Variants in GPHN observed in about 807,000 individuals in gnomAD.
GPHN encodes gephyrin.
Under a neutral mutation model 95.5 loss-of-function variants are expected in GPHN, and 17 were observed. The observed-to-expected ratio is 0.18, with a 90% CI of 0.12 to 0.27. The LOEUF (loss-of-function observed/expected upper bound fraction) is 0.27, where lower values mean the gene tolerates loss of function less well. GPHN is among the 10% of genes least tolerant of loss of function. GPHN has a pLI of 1.00. For missense variants in GPHN, 660 were observed against 978.1 expected (o/e 0.67, Z 4.34); for synonymous variants, 320 against 322.5 (o/e 0.99, Z 0.08).
At chr14:67,141,894 G>A (rs116678130) in intron 17 of GPHN, among the ~76,000 whole-genome samples, 1 of 152,308 alleles carries the variant, frequency 6.6e-6, no homozygotes, top group African/African-American at 2.4e-5. Flanking sequence ...AGGTAAGGGG[G>A]CATGAATAAA....
At position 67,096,489 on chromosome 14, in the gene GPHN, A is replaced by G. The variant is rs1036513431; in HGVS notation, c.1238-4367A>G. Among the ~76,000 whole-genome samples the G allele has an allele frequency of 5.9e-5, 9 of 152,002 alleles. No individual in the cohort carries two copies. The East Asian group carries it at 1.7e-3, about 29-fold the overall frequency. ...AAAAGAGAAATACTTCCCACCAAAA[A>G]CTTTTTGAGAATGCCAACTTCATTT... On this transcript the variant is annotated intron_variant, in intron 12 of 22. Coordinates refer to ENST00000478722, the MANE Select transcript of GPHN (RefSeq NM_020806.5).
At chr14:67,646,414 A>G in the GPHN span, 1 of 506,592 alleles carries the variant, frequency 2.0e-6, no homozygotes, top group South Asian at 3.0e-5. Context: ...AGACAACCTT[A>G]GAGATTTTAT....
At chr14:66,807,044 G>A (rs913399529) in intron 3 of GPHN, among the ~76,000 whole-genome samples, 13 of 152,246 alleles carry the variant, frequency 8.5e-5, no homozygotes, top group Middle Eastern at 6.8e-3. Context: ...AAAGAGAGAC[G>A]TTTATTGGAC....
intron 1 of GPHN, among the ~76,000 whole-genome samples, chr14:66,659,723 T>C (rs2065527803): frequency 2.0e-5 from 3 of 152,132 alleles, no homozygotes; most frequent in Admixed American, 6.5e-5. Flanking sequence ...CTTTACCTGG[T>C]ATTAATACAG....
chr14:67,693,996 T>C, the GPHN span, among the ~76,000 whole-genome samples: 3 of 152,160 alleles, frequency 2.0e-5, no homozygotes, highest in Admixed American at 6.6e-5. Context: ...CTTTTCCAAA[T>C]GAATGAATGC....
the GPHN span, among the ~76,000 whole-genome samples, chr14:67,363,098 A>C: frequency 6.6e-6 from 1 of 152,142 alleles, no homozygotes; most frequent in Non-Finnish European, 1.5e-5. Flanking sequence ...ATGTCTTGCA[A>C]CTGTTCCATA....
chr14:66,954,606 G>A (rs1421361451), intron 8 of GPHN, among the ~76,000 whole-genome samples: 1 of 152,082 alleles, frequency 6.6e-6, no homozygotes, highest in Non-Finnish European at 1.5e-5. Context: ...CCAATTTGAA[G>A]CCTTTTATTT....
intron 2 of GPHN, among the ~76,000 whole-genome samples, chr14:66,748,781 C>G (rs2058258593): frequency 6.6e-6 from 1 of 151,716 alleles, no homozygotes; most frequent in African/African-American, 2.4e-5. Context: ...TAATTTTATC[C>G]AATATTTTAA....
At chr14:67,284,072 C>T in the GPHN span, among the ~76,000 whole-genome samples, 1 of 151,868 alleles carries the variant, frequency 6.6e-6, no homozygotes, top group Non-Finnish European at 1.5e-5. Flanking sequence ...TTCTTGAGGA[C>T]CAAATGAAAA....
chr14:66,603,173 CAGT>C (rs2062339856), intron 1 of GPHN, among the ~76,000 whole-genome samples: 2 of 151,764 alleles, frequency 1.3e-5, no homozygotes, highest in South Asian at 4.2e-4. Flanking sequence ...AAAACTAAAA[CAGT>C]AGGATTTTGA....
At chr14:66,570,461 C>T (rs563499868) in intron 1 of GPHN, among the ~76,000 whole-genome samples, 7 of 151,958 alleles carry the variant, frequency 4.6e-5, no homozygotes, top group African/African-American at 9.7e-5. Flanking sequence ...CCTACCACCA[C>T]GCCCAGCTAA....
the GPHN span, among the ~76,000 whole-genome samples, chr14:67,665,784 C>T: frequency 6.6e-6 from 1 of 152,074 alleles, no homozygotes; most frequent in African/African-American, 2.4e-5. Context: ...TGTGTGCCAC[C>T]CCCTTAATAT....
chr14:67,126,572 C>A (rs974888817), intron 17 of GPHN, among the ~76,000 whole-genome samples: 1 of 152,128 alleles, frequency 6.6e-6, no homozygotes, highest in African/African-American at 2.4e-5. Context: ...AAGGATAAGA[C>A]AGGTAAATTG....
At chr14:66,773,376 C>T (rs1412830952) in intron 2 of GPHN, among the ~76,000 whole-genome samples, 12 of 126,558 alleles carry the variant, frequency 9.5e-5, no homozygotes, top group Admixed American at 2.7e-4. Flanking sequence ...TTTTTTGAGA[C>T]GGAGCCTCGC....
chr14:67,419,822 C>T, the GPHN span, among the ~76,000 whole-genome samples: 2 of 151,088 alleles, frequency 1.3e-5, no homozygotes, highest in Non-Finnish European at 2.9e-5. Flanking sequence ...GCACTCCAGC[C>T]TGGGAGACAG....
At chr14:67,140,700 T>C (rs1315389575) in intron 17 of GPHN, among the ~76,000 whole-genome samples, 1 of 152,154 alleles carries the variant, frequency 6.6e-6, no homozygotes, top group Non-Finnish European at 1.5e-5. Context: ...TTCCATTTAC[T>C]CCATAGTAAA....
At chr14:67,276,663 C>T in the GPHN span, among the ~76,000 whole-genome samples, 1 of 152,136 alleles carries the variant, frequency 6.6e-6, no homozygotes, top group Admixed American at 6.5e-5. Flanking sequence ...ATTTTCTTTG[C>T]TTTCTCTCCC....
chr14:67,547,573 C>G, the GPHN span, among the ~76,000 whole-genome samples: 7 of 152,298 alleles, frequency 4.6e-5, no homozygotes, highest in East Asian at 1.4e-3. Context: ...TCCCCTACCT[C>G]TCTACCCAGC....
At chr14:66,831,300 A>G (rs1326354661) in intron 4 of GPHN, among the ~76,000 whole-genome samples, 3 of 152,322 alleles carry the variant, frequency 2.0e-5, no homozygotes, top group East Asian at 1.9e-4. Context: ...TAAGGCTAAA[A>G]TTAGTCATAT....
Sources: gnomAD v4.1 joint callset for allele counts (sites outside exome capture counted in the v4.1 genomes callset) on GRCh38, gnomAD v4.1.1 for gene constraint, MANE v1.5 for transcripts, NCBI Gene and HGNC (gene_info 2026-07-23, HGNC 2026-07-21) for gene names.